The following DCC variants were observed in gnomAD, a reference collection of about 807,000 sequenced individuals.
The protein encoded by DCC is DCC netrin 1 receptor.
In DCC, 58 loss-of-function variants were observed where a neutral mutation model predicts 172.5. The observed-to-expected ratio is 0.34, with a 90% CI of 0.27 to 0.42. The LOEUF (loss-of-function observed/expected upper bound fraction) is 0.42, where lower values mean the gene tolerates loss of function less well. DCC is among the 10% of genes least tolerant of loss of function. DCC has a pLI of 1.00. For synonymous variants in DCC, 709 were observed against 644.5 expected (o/e 1.10, Z -1.52); for missense variants, 1,740 against 1,791.0 (o/e 0.97, Z 0.51).
At chr18:52,497,722 A>G (rs1342598395) in intron 1 of DCC, among the ~76,000 whole-genome samples, 1 of 152,114 alleles carries the variant, frequency 6.6e-6, no homozygotes, top group South Asian at 2.1e-4. Flanking sequence ...TATAACATGG[A>G]TCTTGATATC....
chr18:52,357,262 T>C (rs1357162879), intron 1 of DCC, among the ~76,000 whole-genome samples: 1 of 152,144 alleles, frequency 6.6e-6, no homozygotes. Context: ...AATAGTTGAT[T>C]CTGGAACTTA....
chr18:52,683,079 C>T (rs2035775172), intron 1 of DCC, among the ~76,000 whole-genome samples: 1 of 152,036 alleles, frequency 6.6e-6, no homozygotes, highest in Admixed American at 6.6e-5. Flanking sequence ...GATTTCATCA[C>T]TGAAACTGGT....
intron 7 of DCC, among the ~76,000 whole-genome samples, chr18:53,127,824 T>G (rs192677898): frequency 2.6e-5 from 4 of 152,270 alleles, no homozygotes; most frequent in Admixed American, 2.6e-4. Context: ...ATTTTCCCTA[T>G]AAATCCAAAC....
intron 12 of DCC, among the ~76,000 whole-genome samples, chr18:53,252,786 C>T (rs976227583): frequency 1.3e-5 from 2 of 151,780 alleles, no homozygotes; most frequent in East Asian, 1.9e-4. Flanking sequence ...AGACTAAAGC[C>T]CTAAGTTGGG....
chr18:53,113,141 A>G (rs2043358289), intron 7 of DCC, among the ~76,000 whole-genome samples: 1 of 151,512 alleles, frequency 6.6e-6, no homozygotes, highest in Non-Finnish European at 1.5e-5. Flanking sequence ...TAACACATCC[A>G]TGAATGCTTA....
At chr18:52,991,559 C>T (rs761348967) in intron 5 of DCC, among the ~76,000 whole-genome samples, 18 of 152,124 alleles carry the variant, frequency 1.2e-4, no homozygotes, top group Non-Finnish European at 1.9e-4. Flanking sequence ...TCTGTGAATC[C>T]CTCTTCAGTT....
At chr18:52,932,931 AATAG>A (rs1461287517) in intron 5 of DCC, among the ~76,000 whole-genome samples, 2 of 152,052 alleles carry the variant, frequency 1.3e-5, no homozygotes, top group Non-Finnish European at 2.9e-5. Context: ...TGATTCTGCA[AATAG>A]ATAATAGACT....
chr18:53,506,859 CAAAAAAAA>C (rs34848744), intron 27 of DCC, among the ~76,000 whole-genome samples: 4 of 133,384 alleles, frequency 3.0e-5, no homozygotes, highest in African/African-American at 5.5e-5. Context: ...GACTCCATCT[CAAAAAAAA>C]AAAAAAAAGG....
intron 12 of DCC, among the ~76,000 whole-genome samples, chr18:53,219,909 T>C (rs2055905596): frequency 6.6e-6 from 1 of 152,166 alleles, no homozygotes. Context: ...TGTTTGTGTG[T>C]AACAAGACAG....
intron 12 of DCC, among the ~76,000 whole-genome samples, chr18:53,266,854 A>G (rs1354195542): frequency 6.6e-6 from 1 of 151,784 alleles, no homozygotes; most frequent in African/African-American, 2.4e-5. Context: ...ACGTGCCAAT[A>G]TTTTATTCCT....
intron 3 of DCC, among the ~76,000 whole-genome samples, chr18:52,913,028 A>G (rs185610909): frequency 3.1e-4 from 47 of 152,200 alleles, no homozygotes; most frequent in Non-Finnish European, 5.4e-4. Flanking sequence ...ACACCAAAAG[A>G]AGATAGGATA....
intron 20 of DCC, among the ~76,000 whole-genome samples, chr18:53,411,086 C>CA (rs1054802334): frequency 1.8e-4 from 26 of 146,450 alleles, no homozygotes; most frequent in East Asian, 7.9e-4. Context: ...AGTTCCAAAC[C>CA]AAAAAAAAAG....
At chr18:53,017,522 AT>A (rs1568247403) in intron 5 of DCC, among the ~76,000 whole-genome samples, 1 of 151,998 alleles carries the variant, frequency 6.6e-6, no homozygotes. Context: ...AATTTCTTCA[AT>A]AACCATACTA....
chr18:53,333,212 G>A (rs1012221876), intron 14 of DCC, among the ~76,000 whole-genome samples: 26 of 152,132 alleles, frequency 1.7e-4, no homozygotes, highest in Admixed American at 1.2e-3. Context: ...AGAGGTGAGC[G>A]GCCTAAGGGA....
chr18:52,617,534 C>G (rs1439894560), intron 1 of DCC, among the ~76,000 whole-genome samples: 1 of 152,134 alleles, frequency 6.6e-6, no homozygotes, highest in Admixed American at 6.6e-5. Context: ...GCCTCTCACT[C>G]TTTTTCAAGT....
intron 1 of DCC, among the ~76,000 whole-genome samples, chr18:52,424,969 T>C (rs575288150): frequency 2.0e-5 from 3 of 152,236 alleles, no homozygotes; most frequent in African/African-American, 7.2e-5. Flanking sequence ...GGTACAAGTA[T>C]AATTTTGTTA....
At chr18:52,378,833 C>A (rs1985463505) in intron 1 of DCC, among the ~76,000 whole-genome samples, 1 of 152,138 alleles carries the variant, frequency 6.6e-6, no homozygotes, top group East Asian at 1.9e-4. Flanking sequence ...CAGGTGTGAG[C>A]CACTGAGCCT....
chr18:52,818,732 A>G (rs190896879), intron 2 of DCC, among the ~76,000 whole-genome samples: 1 of 152,350 alleles, frequency 6.6e-6, no homozygotes, highest in African/African-American at 2.4e-5. Context: ...TGCTAAACAC[A>G]TACTTGGTCA....
At chr18:53,259,879 G>A (rs1445546379) in intron 12 of DCC, among the ~76,000 whole-genome samples, 1 of 150,386 alleles carries the variant, frequency 6.6e-6, no homozygotes, top group African/African-American at 2.5e-5. Context: ...TTTTCACATA[G>A]TCCCATATTT....
Sources: allele counts gnomAD v4.1 joint callset (sites outside exome capture counted in the v4.1 genomes callset), GRCh38; gene constraint gnomAD v4.1.1; transcripts MANE v1.5; gene names NCBI Gene and HGNC (gene_info 2026-07-23, HGNC 2026-07-21).